The following GCN1 variants were observed in gnomAD, a reference collection of about 807,000 sequenced individuals.
The protein encoded by GCN1 is GCN1 activator of EIF2AK4, also known as stalled ribosome sensor GCN1.
GCN1 carries 90 observed loss-of-function variants against 288.4 expected under a neutral mutation model. The ratio of observed to expected loss-of-function variants is 0.31; its 90% CI spans 0.26 to 0.37. The LOEUF is 0.37. Ranked by LOEUF, GCN1 falls within the 10% of genes least tolerant of loss-of-function variation. GCN1 has a pLI of 1.00. For synonymous variants in GCN1, 1,386 were observed against 1,420.2 expected (o/e 0.98, Z 0.54); for missense variants, 2,586 against 3,419.9 (o/e 0.76, Z 6.08).
intron 14 of GCN1, among the ~76,000 whole-genome samples, chr12:120,170,669 G>A (rs1031479387): frequency 6.6e-6 from 1 of 151,926 alleles, no homozygotes; most frequent in Non-Finnish European, 1.5e-5. Context: ...TTAGCTGGGC[G>A]TGGTCCAGTT....
chr12:120,194,492 T>C (rs1339238121), intron 1 of GCN1, among the ~76,000 whole-genome samples, 188 bp downstream of exon 1: 1 of 152,170 alleles, frequency 6.6e-6, no homozygotes, highest in African/African-American at 2.4e-5. Flanking sequence ...GCCCGCGGTC[T>C]GCCTGCGCCG....
intron 54 of GCN1, 135 bp from the exon 55 acceptor site, chr12:120,131,468 C>T (rs1876819711): frequency 2.6e-6 from 2 of 772,438 alleles, no homozygotes; most frequent in African/African-American, 1.7e-5. Context: ...GCCACATTCA[C>T]ATGGACCTCC....
chr12:120,130,684 C>T lies in GCN1; in HGVS notation c.7633G>A (p.Gly2545Arg). 1.2e-6 allele frequency: 2 copies of T among 1,614,024 alleles called. No individual in the cohort carries two copies. Among genetic ancestry groups the T allele is most frequent in the Non-Finnish European group, 1.7e-6 (2 of 1,179,920 alleles). ...LMRHHIETGG[G>R]QLPAKLSSLF... The stretch of plus-strand genomic sequence containing the variant: ...CTGGAAAGTTTGGCCGGCAACTGCC[C>T]TCCGCCTGTCTCGATGTGGTGTCTC... The change falls in exon 56 of 58, where the codon GGG becomes AGG. Residue 2545 changes from glycine (G) to arginine (R), a missense_variant. Gly to Arg is a moderately radical substitution (Grantham distance 125). This residue lies in a region of GCN1 where 355 missense variants were observed against 431.1 expected (regional missense o/e 0.82). Transcript: ENST00000300648.
At chr12:120,181,479 A>AAAAAAAAAAC in intron 5 of GCN1, among the ~76,000 whole-genome samples, 1 of 150,778 alleles carries the variant, frequency 6.6e-6, no homozygotes, top group African/African-American at 2.4e-5. Flanking sequence ...AAAAAAAAAA[A>AAAAAAAAAAC]AAAAAAAGAA....
chr12:120,174,193 G>C (rs144200250), intron 12 of GCN1, 24 bp from the exon 13 acceptor site: 2 of 1,328,860 alleles, frequency 1.5e-6, no homozygotes, highest in East Asian at 2.3e-5. Context: ...TCCCTGTTCA[G>C]TCTCTTATCA....
At chr12:120,151,450 G>T in intron 33 of GCN1, 59 bp from the exon 34 acceptor site, 4 of 1,583,620 alleles carry the variant, frequency 2.5e-6, no homozygotes, top group Non-Finnish European at 2.6e-6. Context: ...CATGGTTGGT[G>T]GGGGGTCTGA....
intron 5 of GCN1, among the ~76,000 whole-genome samples, chr12:120,180,024 C>A (rs1485655123): frequency 6.6e-6 from 1 of 152,192 alleles, no homozygotes; most frequent in African/African-American, 2.4e-5. Context: ...ATCTCAGAGG[C>A]TGCCAGGCCT....
At chr12:120,167,151 C>G (rs1256799344) in intron 16 of GCN1, among the ~76,000 whole-genome samples, 1 of 151,616 alleles carries the variant, frequency 6.6e-6, no homozygotes. Flanking sequence ...ACCAGCCTGA[C>G]CAACATGGAG....
intron 2 of GCN1, among the ~76,000 whole-genome samples, chr12:120,187,937 G>A (rs1318728065): frequency 6.6e-6 from 1 of 151,708 alleles, no homozygotes; most frequent in African/African-American, 2.4e-5. Context: ...AGGCAAAATG[G>A]TCTTACTCTA....
At chr12:120,136,044 CAAAAA>C (rs879447996) in intron 51 of GCN1, among the ~76,000 whole-genome samples, 14 of 150,200 alleles carry the variant, frequency 9.3e-5, no homozygotes, top group Admixed American at 6.6e-4. Context: ...AAACAAAAAA[CAAAAA>C]AAAACAAAAA....
chr12:120,185,872 T>C lies in GCN1; in HGVS notation c.122-985A>G, dbSNP rs145799386. ...CCTCAGCCTCCCAAAGTGCTAGGAT[T>C]ACAGGCGTGAGCCATCGCACCCGGA... On this transcript the variant is annotated intron_variant, in intron 2 of 57. Transcript: ENST00000300648. Among the ~76,000 whole-genome samples, 819 of 152,252 alleles carry C rather than the reference T, an allele frequency of 5.4e-3. 2 individuals are homozygous for C. The highest frequency in any genetic ancestry group is 6.8e-3 in the Middle Eastern group (2 of 292).
intron 2 of GCN1, among the ~76,000 whole-genome samples, chr12:120,185,241 A>G (rs1878784153): frequency 6.6e-6 from 1 of 152,228 alleles, no homozygotes; most frequent in Non-Finnish European, 1.5e-5. Flanking sequence ...CTGTTCCATT[A>G]GGAGGCGTAC....
Position 120,158,599 on chromosome 12 carries a change from G to T in GCN1, c.2766C>A (p.His922Gln). 6.2e-7 allele frequency: 1 copy of T among 1,607,342 alleles called. No individual in the cohort carries two copies. The highest frequency in any genetic ancestry group is 1.7e-4 in the Middle Eastern group (1 of 6,056). ...CTGGCTTCAGCAGGCGCAGGGTCAC[G>T]TGGCTCACCAAAGTGCCTGTGTTGA... is the stretch of plus-strand genomic sequence containing the variant. ...RLKALGTLVS[H>Q]VTLRLLKPEC... Residue 922 changes from histidine to glutamine, a missense_variant, in exon 25 of 58, where the codon CAC becomes CAA. Physicochemically the swap from His to Gln is conservative, Grantham distance 24. Transcript: ENST00000300648. The surrounding 1 kb of genome is among the most constrained non-coding windows in gnomAD (Gnocchi z 4.3).
intron 5 of GCN1, among the ~76,000 whole-genome samples, chr12:120,180,563 C>T (rs1008730977): frequency 6.6e-6 from 1 of 151,920 alleles, no homozygotes; most frequent in African/African-American, 2.4e-5. Flanking sequence ...CGAGATAGCG[C>T]CACTGCACTC....
chr12:120,133,781 A>G (rs1388637574), intron 53 of GCN1, among the ~76,000 whole-genome samples: 2 of 152,226 alleles, frequency 1.3e-5, no homozygotes, highest in Non-Finnish European at 2.9e-5. Flanking sequence ...TAAAATAGAA[A>G]TAACCGGCCG....
intron 54 of GCN1, 54 bp from the exon 55 acceptor site, chr12:120,131,387 C>T (rs771578371): frequency 1.4e-4 from 216 of 1,584,658 alleles, no homozygotes; most frequent in Non-Finnish European, 1.6e-4. Context: ...ATGTCCCCAG[C>T]ACCCATGAGG....
In GCN1 at chr12:120,151,272, G is replaced by A; in HGVS notation, c.4182C>T (p.Arg1394=). Residue 1394 remains arginine, a synonymous_variant, in exon 34 of 58, where the codon CGC becomes CGT. Coordinates refer to ENST00000300648, the MANE Select transcript of GCN1 (RefSeq NM_006836.2). The part of the protein sequence containing the change: ...QLLESDKYAE[R]KGAAYGLAGL... Reference sequence around the variant, plus strand: ...CCGCCAGGCCATAGGCGGCCCCTTTGCGCTCTGCGTACTTGTCTGACTCCA... The same window carrying A: ...CCGCCAGGCCATAGGCGGCCCCTTTACGCTCTGCGTACTTGTCTGACTCCA... 6.2e-7 allele frequency: 1 copy of A among 1,614,176 alleles called. No homozygotes were observed. Among genetic ancestry groups the A allele is most frequent in the Non-Finnish European group, 8.5e-7 (1 of 1,180,032 alleles).
chr12:120,152,625 A>G (rs1297769109), intron 33 of GCN1, among the ~76,000 whole-genome samples: 9 of 133,088 alleles, frequency 6.8e-5, no homozygotes, highest in Non-Finnish European at 1.1e-4. Flanking sequence ...AATGCAAACC[A>G]CACACACACG....
In GCN1 at chr12:120,137,842, G is replaced by C. The variant is rs752764662; in HGVS notation, c.6394-28C>G. 32 of 1,612,650 alleles carry C rather than the reference G, an allele frequency of 2.0e-5. No homozygotes were observed. Among genetic ancestry groups the C allele is most frequent in the Non-Finnish European group, 2.6e-5 (31 of 1,178,828 alleles). ...GCAAACCACAAGGGACATGTGTGCT[G>C]AGCAGGGATCCTCCGGGCAGACGGG... On this transcript the variant is annotated intron_variant, in intron 48 of 57. Coordinates refer to ENST00000300648, the MANE Select transcript of GCN1 (RefSeq NM_006836.2). This position sits in a 1 kb window ranked among gnomAD's most constrained non-coding sequence, Gnocchi z 5.2.
Sources: allele counts gnomAD v4.1 joint callset (sites outside exome capture counted in the v4.1 genomes callset), GRCh38; gene constraint gnomAD v4.1.1; regional missense constraint gnomAD v4.1.1; non-coding constraint Gnocchi (gnomAD v3.1); transcripts MANE v1.5; gene names NCBI Gene and HGNC (gene_info 2026-07-23, HGNC 2026-07-21).